ABLIM3: variants seen among roughly 807,000 people sequenced by gnomAD.
ABLIM3 encodes actin binding LIM protein family member 3.
Under a neutral mutation model 109.5 loss-of-function variants are expected in ABLIM3, and 61 were observed. The ratio of observed to expected loss-of-function variants is 0.56; its 90% CI spans 0.45 to 0.69. ABLIM3 has a LOEUF of 0.69. Ranked by LOEUF, ABLIM3 falls within the 30% of genes least tolerant of loss-of-function variation. The pLI, the probability that ABLIM3 is intolerant of heterozygous loss-of-function variation, is 0.00. For synonymous variants in ABLIM3, 300 were observed against 324.8 expected (o/e 0.92, Z 0.82); for missense variants, 796 against 889.5 (o/e 0.89, Z 1.34).
intron 2 of ABLIM3, among the ~76,000 whole-genome samples, chr5:149,158,177 C>T (rs1754016339): frequency 6.6e-6 from 1 of 152,160 alleles, no homozygotes; most frequent in African/African-American, 2.4e-5. Flanking sequence ...TCTTAGTGCC[C>T]TCTTTCAGAT....
intron 3 of ABLIM3, among the ~76,000 whole-genome samples, chr5:149,191,288 A>G (rs1170642137): frequency 6.6e-6 from 1 of 152,164 alleles, no homozygotes; most frequent in Non-Finnish European, 1.5e-5. Flanking sequence ...ATAAAAAGAA[A>G]TATTATAAAC....
chr5:149,174,929 C>T (rs1478708287), intron 2 of ABLIM3, among the ~76,000 whole-genome samples: 4 of 152,166 alleles, frequency 2.6e-5, no homozygotes, highest in African/African-American at 4.8e-5. Flanking sequence ...GCTTAGGAAG[C>T]GCATAGCACA....
At chr5:149,245,172 C>A (rs1410648264) in intron 16 of ABLIM3, among the ~76,000 whole-genome samples, 157 bp downstream of exon 16, 1 of 152,178 alleles carries the variant, frequency 6.6e-6, no homozygotes, top group African/African-American at 2.4e-5. Context: ...CAAATATGTA[C>A]TAAACACTGG....
At chr5:149,167,692 T>C (rs1754955849) in intron 2 of ABLIM3, among the ~76,000 whole-genome samples, 1 of 152,132 alleles carries the variant, frequency 6.6e-6, no homozygotes, top group Non-Finnish European at 1.5e-5. Flanking sequence ...AGAGATAAGC[T>C]CAAGAGATAC....
Position 149,217,022 on chromosome 5 carries a change from G to A in ABLIM3, c.733G>A (p.Glu245Lys), listed in dbSNP as rs757248481. Residue 245 changes from glutamate to lysine, a missense_variant, in exon 8 of 24, where the codon GAA (glutamate) becomes AAA (lysine). Coordinates refer to ENST00000309868, the MANE Select transcript of ABLIM3 (RefSeq NM_014945.5). Reference sequence around the variant, plus strand: ...TGTACGCTGCCACCAGATGTTCACCGAAGGAGAGGAAATGTACCTCACAGG... The same window carrying A: ...TGTACGCTGCCACCAGATGTTCACCAAAGGAGAGGAAATGTACCTCACAGG... ...RCVRCHQMFT[E>K]GEEMYLTGSE... The A allele has an allele frequency of 3.5e-5, 56 of 1,614,068 alleles. No homozygotes were observed. Among genetic ancestry groups the A allele is most frequent in the East Asian group, 4.5e-5 (2 of 44,890 alleles).
intron 3 of ABLIM3, among the ~76,000 whole-genome samples, chr5:149,193,477 AT>A (rs143212588): frequency 0.05 from 7,582 of 152,134 alleles, 575 homozygotes; most frequent in African/African-American, 0.17. Context: ...TACCTAAATA[AT>A]TTTTTAATAT....
intron 20 of ABLIM3, among the ~76,000 whole-genome samples, chr5:149,250,993 G>A (rs73275748): frequency 1.3e-4 from 20 of 152,246 alleles, no homozygotes; most frequent in East Asian, 5.8e-4. Flanking sequence ...CTCCCTGAGC[G>A]TGCTGTTATG....
intron 10 of ABLIM3, among the ~76,000 whole-genome samples, chr5:149,236,384 A>C (rs1301118420): frequency 1.3e-5 from 2 of 152,108 alleles, no homozygotes; most frequent in African/African-American, 4.8e-5. Context: ...GAATGTTATC[A>C]GACTAATACA....
chr5:149,236,778 C>A (rs1323683961), intron 10 of ABLIM3, among the ~76,000 whole-genome samples: 1 of 152,134 alleles, frequency 6.6e-6, no homozygotes, highest in Non-Finnish European at 1.5e-5. Flanking sequence ...TGGGCTCTTG[C>A]AACTTGGACA....
chr5:149,238,396 C>T (rs1752453565), intron 11 of ABLIM3, among the ~76,000 whole-genome samples: 1 of 152,164 alleles, frequency 6.6e-6, no homozygotes, highest in South Asian at 2.1e-4. Flanking sequence ...TTCCCTTCCT[C>T]CCTAAGGGAT....
chr5:149,189,508 A>G (rs1757283356), intron 3 of ABLIM3, among the ~76,000 whole-genome samples: 1 of 152,250 alleles, frequency 6.6e-6, no homozygotes. Context: ...CAATTGCATA[A>G]TAAGAAGACA....
intron 2 of ABLIM3, among the ~76,000 whole-genome samples, chr5:149,167,418 A>G (rs1754929806): frequency 6.6e-6 from 1 of 152,220 alleles, no homozygotes; most frequent in Non-Finnish European, 1.5e-5. Flanking sequence ...ACTTAAGAGT[A>G]CAGAGGAGTG....
intron 3 of ABLIM3, 83 bp downstream of exon 3, chr5:149,183,672 A>G: frequency 7.2e-7 from 1 of 1,386,402 alleles, no homozygotes. Context: ...GGCAGAAAGA[A>G]CAAACACAGG....
At chr5:149,246,246 C>T (rs758285050) in intron 16 of ABLIM3, among the ~76,000 whole-genome samples, 7 of 152,074 alleles carry the variant, frequency 4.6e-5, no homozygotes, top group South Asian at 4.2e-4. Context: ...GACACAAATA[C>T]GACTATAACC....
chr5:149,174,021 C>CAAA (rs57000637), intron 2 of ABLIM3, among the ~76,000 whole-genome samples: 301 of 37,554 alleles, frequency 8.0e-3, no homozygotes, highest in Non-Finnish European at 9.9e-3. Context: ...GACTCCGTCT[C>CAAA]AAAAAAAAAA....
intron 8 of ABLIM3, among the ~76,000 whole-genome samples, chr5:149,222,760 T>A (rs1183012146): frequency 1.3e-4 from 20 of 148,354 alleles, no homozygotes; most frequent in Non-Finnish European, 2.1e-4. Context: ...TCAGAAAAGG[T>A]GCACTAAGCT....
intron 2 of ABLIM3, among the ~76,000 whole-genome samples, chr5:149,170,487 C>G (rs1212191270): frequency 2.6e-5 from 4 of 152,264 alleles, no homozygotes; most frequent in African/African-American, 9.6e-5. Context: ...ACTCGCCCAC[C>G]TCATACTGGG....
At position 149,141,924 on chromosome 5, in the gene ABLIM3, C is replaced by A. The variant is rs55791812; in HGVS notation, c.-87-85C>A. 3,184 of 957,142 alleles carry A rather than the reference C, an allele frequency of 3.3e-3. 16 individuals are homozygous for A. Among genetic ancestry groups the A allele is most frequent in the Non-Finnish European group, 2.7e-3 (1,629 of 607,044 alleles). 59.3% of individuals were successfully genotyped at this position (957,142 alleles called of 1,614,324 possible). A position where few individuals can be genotyped will look rare whatever the true frequency, so the allele number is the denominator to read the frequency against. The stretch of plus-strand genomic sequence containing the variant: ...CACGCGCCTTCAAGGCCAGGGGCTA[C>A]AGCCCAGACAGAGAGGGGACAGCAG... On this transcript the variant is annotated intron_variant, in intron 1 of 23. Transcript: ENST00000309868.
Position 149,258,984 on chromosome 5 carries a change from C to T in ABLIM3, c.*580C>T. 1 of 992,612 alleles carries T rather than the reference C, an allele frequency of 1.0e-6. No individual in the cohort carries two copies. The highest frequency in any genetic ancestry group is 1.2e-6 in the Non-Finnish European group (1 of 834,434). 61.5% of individuals were successfully genotyped at this position (992,612 alleles called of 1,614,324 possible). A position where few individuals can be genotyped will look rare whatever the true frequency, so the allele number is the denominator to read the frequency against. On this transcript the variant is annotated 3_prime_UTR_variant, in exon 24 of 24. Transcript: ENST00000309868. ...CATTACACCAGTCAACAGAAGTGGA[C>T]AGGGCCTAGGCCTCTCCTCAGCTCC...
Sources: gnomAD v4.1 joint callset for allele counts (sites outside exome capture counted in the v4.1 genomes callset) on GRCh38, gnomAD v4.1.1 for gene constraint, MANE v1.5 for transcripts, NCBI Gene and HGNC (gene_info 2026-07-23, HGNC 2026-07-21) for gene names.